LRRTM3: variants seen among roughly 807,000 people sequenced by gnomAD.
LRRTM3 encodes the protein leucine-rich repeat transmembrane neuronal protein 3.
A neutral mutation model predicts 44.7 loss-of-function variants in LRRTM3; 24 were observed. The ratio of observed to expected loss-of-function variants is 0.54; its 90% CI spans 0.39 to 0.76. The LOEUF (loss-of-function observed/expected upper bound fraction) is 0.76, where lower values mean the gene tolerates loss of function less well. Among genes scored for constraint, LRRTM3 ranks in the 30% least tolerant of loss-of-function variants. LRRTM3 has a pLI of 0.00. For missense variants in LRRTM3, 587 were observed against 702.2 expected (o/e 0.84, Z 1.85); for synonymous variants, 277 against 278.7 (o/e 0.99, Z 0.06).
rs937106883 is a variant in LRRTM3 at position 66,981,870 on chromosome 10, C to T, written c.1536+53418C>T. On this transcript the variant is annotated intron_variant, in intron 2 of 2. Transcript: ENST00000361320. ...TGCTGCTGCAGTGTTCTATAATTTT[C>T]CCACTTACTTGCTCCCAAAGTTGCA... 1.7e-4 allele frequency among the ~76,000 whole-genome samples: 26 copies of T among 152,262 alleles called. 2 individuals are homozygous for T. The South Asian group carries it at 2.7e-3, about 16-fold the overall frequency.
intron 2 of LRRTM3, among the ~76,000 whole-genome samples, chr10:67,005,682 C>CTTTTTTATTTTTTT (rs1851927610): frequency 3.2e-5 from 2 of 61,976 alleles, no homozygotes; most frequent in East Asian, 1.4e-3. Context: ...TTTACTCCAT[C>CTTTTTTATTTTTTT]TTTTTTTTTT....
At chr10:67,078,586 G>A (rs985873880) in intron 2 of LRRTM3, among the ~76,000 whole-genome samples, 2 of 151,638 alleles carry the variant, frequency 1.3e-5, no homozygotes, top group African/African-American at 2.4e-5. Context: ...GTGCAATCTC[G>A]GCTCACTGCA....
At chr10:67,019,984 T>C (rs1852897472) in intron 2 of LRRTM3, among the ~76,000 whole-genome samples, 1 of 138,964 alleles carries the variant, frequency 7.2e-6, no homozygotes. Context: ...CTGTGATGCA[T>C]TTAACAACAT....
chr10:67,028,579 A>T (rs1331441653), intron 2 of LRRTM3, among the ~76,000 whole-genome samples: 1 of 151,736 alleles, frequency 6.6e-6, no homozygotes, highest in East Asian at 1.9e-4. Flanking sequence ...GTCAAACAGC[A>T]TGTGCAATGA....
At chr10:67,003,105 A>T (rs1195473651) in intron 2 of LRRTM3, among the ~76,000 whole-genome samples, 5 of 152,182 alleles carry the variant, frequency 3.3e-5, no homozygotes, top group Non-Finnish European at 7.4e-5. Flanking sequence ...ACATAATTAC[A>T]ATGCCCCTTT....
intron 2 of LRRTM3, among the ~76,000 whole-genome samples, chr10:66,970,013 T>G (rs569884491): frequency 6.6e-6 from 1 of 152,264 alleles, no homozygotes; most frequent in East Asian, 1.9e-4. Context: ...ACTATAAGGC[T>G]AGAATTGACT....
intron 2 of LRRTM3, among the ~76,000 whole-genome samples, chr10:67,060,946 G>A (rs1475348757): frequency 6.6e-6 from 1 of 152,128 alleles, no homozygotes; most frequent in Admixed American, 6.5e-5. Context: ...ACAAACTAAA[G>A]CTGTGTGAAT....
intron 2 of LRRTM3, among the ~76,000 whole-genome samples, chr10:67,027,497 T>A (rs899041160): frequency 2.7e-4 from 40 of 149,934 alleles, no homozygotes; most frequent in African/African-American, 9.8e-4. Flanking sequence ...TGCAGTGGTG[T>A]GATCTCGGCT....
chr10:67,007,090 C>T (rs10822955), intron 2 of LRRTM3, among the ~76,000 whole-genome samples: 79,680 of 152,020 alleles, frequency 0.52, 21,601 homozygotes, highest in Middle Eastern at 0.74. Flanking sequence ...GCCACCACAC[C>T]CAGCTTACAG....
intron 2 of LRRTM3, among the ~76,000 whole-genome samples, chr10:67,037,637 C>A (rs1054078135): frequency 6.6e-6 from 1 of 152,044 alleles, no homozygotes; most frequent in Non-Finnish European, 1.5e-5. Flanking sequence ...TGAACTAAGA[C>A]ACTAACAGAG....
intron 2 of LRRTM3, among the ~76,000 whole-genome samples, chr10:67,048,290 T>A (rs1854874304): frequency 6.6e-6 from 1 of 152,056 alleles, no homozygotes; most frequent in African/African-American, 2.4e-5. Flanking sequence ...AGGAATATTG[T>A]TAAACGTATT....
intron 2 of LRRTM3, among the ~76,000 whole-genome samples, chr10:67,008,957 G>T (rs999654135): frequency 1.3e-5 from 2 of 151,986 alleles, no homozygotes; most frequent in African/African-American, 4.8e-5. Flanking sequence ...AGATAACTTG[G>T]GTGGGTATAA....
In LRRTM3 at chr10:67,083,699, T is replaced by G. The variant is rs368270000; in HGVS notation, c.1537-13888T>G. Among the ~76,000 whole-genome samples, 165 of 152,260 alleles carry G rather than the reference T, an allele frequency of 1.1e-3. 7 individuals carry two copies. In the South Asian group the frequency reaches 0.034, roughly 31 times the overall value. ...CTCTACCCTATCAATAATACATATATGTCTCAGTTTCATGTCCCTTAATAA... is the reference window on the plus strand; with the variant it reads ...CTCTACCCTATCAATAATACATATAGGTCTCAGTTTCATGTCCCTTAATAA... On this transcript the variant is annotated intron_variant, in intron 2 of 2. Transcript: ENST00000361320.
intron 2 of LRRTM3, among the ~76,000 whole-genome samples, chr10:67,066,681 T>C (rs1856112246): frequency 6.6e-6 from 1 of 152,174 alleles, no homozygotes; most frequent in African/African-American, 2.4e-5. Flanking sequence ...CTTGAATAAT[T>C]GTTAAACAAA....
At chr10:66,998,677 A>C (rs987011261) in intron 2 of LRRTM3, among the ~76,000 whole-genome samples, 2 of 152,168 alleles carry the variant, frequency 1.3e-5, no homozygotes, top group African/African-American at 4.8e-5. Context: ...TTCCAAACTC[A>C]TATGTGAGAA....
chr10:67,005,092 T>C (rs1210653701), intron 2 of LRRTM3, among the ~76,000 whole-genome samples: 1 of 152,214 alleles, frequency 6.6e-6, no homozygotes, highest in Non-Finnish European at 1.5e-5. Context: ...CCTTTTCCTA[T>C]GGATTATTTT....
In LRRTM3 at chr10:67,097,691, G is replaced by C. The variant is rs544274000; in HGVS notation, c.1641G>C (p.Thr547=). The C allele has an allele frequency of 3.1e-6, 5 of 1,612,506 alleles. No homozygotes were observed. The highest frequency in any genetic ancestry group is 4.2e-6 in the Non-Finnish European group (5 of 1,179,026). The change falls in exon 3 of 3, where the codon ACG becomes ACC. Residue 547 remains threonine (T), a synonymous_variant. Coordinates refer to ENST00000361320, the MANE Select transcript of LRRTM3 (RefSeq NM_178011.5). ...TTCTCTCCCATAAGTCCTTTGAAAC[G>C]AATGCACAGGAAGATACGATGGAAA... ...HELLSHKSFE[T]NAQEDTMETH...
chr10:67,040,356 G>A (rs1854318763), intron 2 of LRRTM3, among the ~76,000 whole-genome samples: 1 of 152,062 alleles, frequency 6.6e-6, no homozygotes, highest in Admixed American at 6.6e-5. Context: ...AACCTCAGTA[G>A]TAACTAGGTA....
rs1858332963 is a variant in LRRTM3 at position 67,101,418 on chromosome 10, T to C, written c.*3622T>C. The stretch of plus-strand genomic sequence containing the variant: ...GATTTCTTCTTAAACCATGAAATTT[T>C]TTTTACTTGTAATAATAGAGAACAA... On this transcript the variant is annotated 3_prime_UTR_variant, in exon 3 of 3. Transcript: ENST00000361320. Among the ~76,000 whole-genome samples the C allele has an allele frequency of 1.3e-5, 2 of 150,126 alleles. No individual in the cohort carries two copies. Among genetic ancestry groups the C allele is most frequent in the Admixed American group, 1.3e-4 (2 of 15,022 alleles).
Sources: gnomAD v4.1 joint callset for allele counts (sites outside exome capture counted in the v4.1 genomes callset) on GRCh38, gnomAD v4.1.1 for gene constraint, MANE v1.5 for transcripts, NCBI Gene and HGNC (gene_info 2026-07-23, HGNC 2026-07-21) for gene names.